The following CYP4A11 variants were observed in gnomAD, a reference collection of about 807,000 sequenced individuals.
CYP4A11 encodes the protein cytochrome P450 4A11.
CYP4A11 carries 52 observed loss-of-function variants against 57.7 expected under a neutral mutation model. That is an observed-to-expected ratio of 0.90 (90% CI 0.72 to 1.14). The LOEUF (loss-of-function observed/expected upper bound fraction) is 1.14. Among genes scored for constraint, CYP4A11 ranks in the 50% most tolerant of loss-of-function variants. CYP4A11 has a pLI of 0.00. For synonymous variants in CYP4A11, 228 were observed against 247.1 expected, an observed-to-expected ratio of 0.92 and a Z score of 0.72; for missense variants, 641 against 642.1, an observed-to-expected ratio of 1.00 and a Z score of 0.02.
chr1:46,934,234 G>A lies in CYP4A11; in HGVS notation c.1030C>T (p.Gln344Ter). 1.2e-6 allele frequency: 2 copies of A among 1,613,772 alleles called. No individual in the cohort carries two copies. The highest frequency in any genetic ancestry group is 1.7e-6 in the Non-Finnish European group (2 of 1,179,848). Residue 344 changes from glutamine to a stop codon, truncating the protein, a stop_gained, in exon 8 of 12, where the codon CAG becomes TAG. Transcript: ENST00000310638. LOFTEE classifies it high-confidence loss of function. ...LYALATHPKH[Q>*]ERCREEIHSL... ...TGGATCTCCTCCCGGCACCTCTCCT[G>A]ATGCTTGGGGTGTGTGGCCAGAGCA...
intron 11 of CYP4A11, among the ~76,000 whole-genome samples, chr1:46,931,158 T>A (rs1358690509): frequency 1.3e-5 from 2 of 152,168 alleles, no homozygotes; most frequent in Non-Finnish European, 2.9e-5. Flanking sequence ...GTCCTGGCCC[T>A]GTTCATGTGG....
At chr1:46,935,264 G>C in intron 5 of CYP4A11, 110 bp from the exon 6 acceptor site, 1 of 1,352,284 alleles carries the variant, frequency 7.4e-7, no homozygotes, top group East Asian at 2.3e-5. Flanking sequence ...GCAGCCTTGA[G>C]GCAATGTTTC....
chr1:46,930,747 C>T (rs528681181), intron 11 of CYP4A11, among the ~76,000 whole-genome samples: 1 of 152,298 alleles, frequency 6.6e-6, no homozygotes, highest in African/African-American at 2.4e-5. Context: ...TGTAGTGGGA[C>T]ACACAGGGAC....
chr1:46,935,606 C>A lies in CYP4A11; in HGVS notation c.552G>T (p.Glu184Asp). ...EELLGQDSPL[E>D]VFQHVSLMTL... ...TCATCAAGGAGACGTGCTGAAAGAC[C>A]TCCAGAGGGGAATCCTGGCCAAGGA... Residue 184 changes from glutamate (E) to aspartate (D), a missense_variant, in exon 5 of 12, where the codon GAG (glutamate) becomes GAT (aspartate). Coordinates refer to ENST00000310638, the MANE Select transcript of CYP4A11 (RefSeq NM_000778.4). 1 of 1,613,970 alleles carries A rather than the reference C, an allele frequency of 6.2e-7. No homozygotes were observed. The highest frequency in any genetic ancestry group is 8.5e-7 in the Non-Finnish European group (1 of 1,179,858).
intron 1 of CYP4A11, chr1:46,940,690 T>C: frequency 6.1e-6 from 6 of 985,422 alleles, no homozygotes; most frequent in Non-Finnish European, 7.2e-6. Context: ...ACTTAGCCAG[T>C]TGGTCCCCTA....
intron 1 of CYP4A11, 121 bp from the exon 2 acceptor site, chr1:46,938,258 A>C: frequency 7.2e-7 from 1 of 1,390,092 alleles, no homozygotes; most frequent in South Asian, 1.3e-5. Flanking sequence ...TCTGTTTCTG[A>C]TGACCTGAGC....
intron 1 of CYP4A11, among the ~76,000 whole-genome samples, chr1:46,938,342 C>T (rs1681548234): frequency 1.3e-5 from 2 of 152,150 alleles, no homozygotes; most frequent in Non-Finnish European, 2.9e-5. Context: ...CTCAATGCTG[C>T]CAGCAGAAAT....
chr1:46,939,696 A>T (rs533594254), intron 1 of CYP4A11, among the ~76,000 whole-genome samples: 1 of 152,196 alleles, frequency 6.6e-6, no homozygotes, highest in African/African-American at 2.4e-5. Flanking sequence ...GAGACCCAGG[A>T]GGCCTTCTTG....
intron 1 of CYP4A11, among the ~76,000 whole-genome samples, chr1:46,940,170 C>T (rs1570113080): frequency 6.6e-6 from 1 of 151,626 alleles, no homozygotes; most frequent in East Asian, 2.0e-4. Flanking sequence ...TCCTCTGTTC[C>T]TCTACACCTG....
chr1:46,931,328 A>G (rs769057053), intron 11 of CYP4A11, among the ~76,000 whole-genome samples: 1 of 152,230 alleles, frequency 6.6e-6, no homozygotes, highest in African/African-American at 2.4e-5. Flanking sequence ...TCCAGTGCCA[A>G]GGACAGCACC....
chr1:46,930,022 G>T lies in CYP4A11; in HGVS notation c.*93C>A. 2.1e-6 allele frequency: 3 copies of T among 1,439,228 alleles called. No homozygotes were observed. The highest frequency in any genetic ancestry group is 2.8e-6 in the Non-Finnish European group (3 of 1,077,466). The allele number at this position is 1,439,228 out of a possible 1,614,324, so 89.2% of individuals were successfully genotyped here. ...CTGGGGGACAGCAGGCAGGTGGGAA[G>T]AAGGGAAGGTGGGCAGACAGAAAAC... On this transcript the variant is annotated 3_prime_UTR_variant, in exon 12 of 12. Coordinates refer to ENST00000310638, the MANE Select transcript of CYP4A11 (RefSeq NM_000778.4).
At chr1:46,938,895 T>A (rs1051357069) in intron 1 of CYP4A11, among the ~76,000 whole-genome samples, 1 of 152,246 alleles carries the variant, frequency 6.6e-6, no homozygotes, top group Non-Finnish European at 1.5e-5. Context: ...CTGCTGGCAA[T>A]TCCACCATCA....
At chr1:46,933,743 C>A (rs28438640) in intron 9 of CYP4A11, among the ~76,000 whole-genome samples, 99,610 of 152,060 alleles carry the variant, frequency 0.66, 34,645 homozygotes, top group Non-Finnish European at 0.79. Context: ...CAGAGATTAA[C>A]ATTTATTTCT....
At chr1:46,932,442 A>G (rs980293199) in intron 11 of CYP4A11, 9 of 1,177,404 alleles carry the variant, frequency 7.6e-6, no homozygotes, top group Admixed American at 7.8e-5. Flanking sequence ...TTACTGGAGA[A>G]TATCTAATTT....
At chr1:46,933,788 T>C (rs1681182129) in intron 9 of CYP4A11, 158 bp downstream of exon 9, 2 of 1,298,804 alleles carry the variant, frequency 1.5e-6, no homozygotes, top group African/African-American at 3.0e-5. Flanking sequence ...TCAGCCAGAC[T>C]TTTCAAATTC....
Position 46,935,027 on chromosome 1 carries a change from C to T in CYP4A11, c.763G>A (p.Ala255Thr), listed in dbSNP as rs374070893. The T allele has an allele frequency of 5.0e-6, 8 of 1,614,012 alleles. No homozygotes were observed. Among genetic ancestry groups the T allele is most frequent in the Non-Finnish European group, 6.8e-6 (8 of 1,179,960 alleles). Residue 255 changes from alanine to threonine, a missense_variant, in exon 6 of 12, where the codon GCC (alanine) becomes ACC (threonine). Transcript: ENST00000310638. Reference protein sequence around the residue: ...LTSAGRWTHRACQLAHQHTDQ... With the variant: ...LTSAGRWTHRTCQLAHQHTDQ... Reference sequence around the variant, plus strand: ...GTGTGCTGATGGGCCAGCTGGCAGGCGCGGTGTGTCCAGCGGCCAGCAGAG... The same window carrying T: ...GTGTGCTGATGGGCCAGCTGGCAGGTGCGGTGTGTCCAGCGGCCAGCAGAG...
At chr1:46,935,747 G>C in intron 4 of CYP4A11, 100 bp from the exon 5 acceptor site, 1 of 1,541,852 alleles carries the variant, frequency 6.5e-7, no homozygotes, top group Non-Finnish European at 8.8e-7. Context: ...GTTTTTTCCT[G>C]TAGCATGCAG....
At chr1:46,935,197 C>T (rs1433689720) in intron 5 of CYP4A11, 43 bp from the exon 6 acceptor site, 1 of 1,588,216 alleles carries the variant, frequency 6.3e-7, no homozygotes, top group African/African-American at 1.3e-5. Flanking sequence ...GGGGTGGGCC[C>T]ATTACCCGGA....
chr1:46,938,095 C>A lies in CYP4A11; in HGVS notation c.238G>T (p.Glu80Ter). 1.9e-6 allele frequency: 3 copies of A among 1,614,172 alleles called. No homozygotes were observed. The highest frequency in any genetic ancestry group is 2.5e-6 in the Non-Finnish European group (3 of 1,180,034). ...QELQRIQKWV[E>*]TFPSACPHWL... ...TGAGGACAGGCACTTGGGAATGTCTCCACCCATTTCTGAATCCGTTGTAGC... is the reference window on the plus strand; with the variant it reads ...TGAGGACAGGCACTTGGGAATGTCTACACCCATTTCTGAATCCGTTGTAGC... Residue 80 changes from glutamate (E) to a stop codon, truncating the protein, a stop_gained, in exon 2 of 12, where the codon GAG becomes TAG. Coordinates refer to ENST00000310638, the MANE Select transcript of CYP4A11 (RefSeq NM_000778.4). LOFTEE classifies it high-confidence loss of function.
Sources: gnomAD v4.1 joint callset for allele counts (sites outside exome capture counted in the v4.1 genomes callset) on GRCh38, gnomAD v4.1.1 for gene constraint, MANE v1.5 for transcripts, NCBI Gene and HGNC (gene_info 2026-07-23, HGNC 2026-07-21) for gene names.